Variants in ESCO2 observed in about 807,000 individuals in gnomAD.
The protein encoded by ESCO2 is establishment of sister chromatid cohesion N-acetyltransferase 2, also known as N-acetyltransferase ESCO2.
In ESCO2, 51 loss-of-function variants were observed where a neutral mutation model predicts 61.7. The observed-to-expected ratio is 0.83, with a 90% CI of 0.66 to 1.04. The LOEUF (loss-of-function observed/expected upper bound fraction) is 1.04. Among genes scored for constraint, ESCO2 ranks in the 50% least tolerant of loss-of-function variants. The pLI is 0.00. For missense variants in ESCO2, 692 were observed against 686.2 expected (o/e 1.01, Z -0.09); for synonymous variants, 230 against 238.2 (o/e 0.97, Z 0.32).
chr8:27,811,646 T>A (rs965785815), downstream of ESCO2, among the ~76,000 whole-genome samples: 1 of 152,190 alleles, frequency 6.6e-6, no homozygotes, highest in Non-Finnish European at 1.5e-5. Flanking sequence ...CACATTTCCA[T>A]TTAAACTTGA....
Position 27,776,376 on chromosome 8 carries a change from C to T in ESCO2, c.68C>T (p.Thr23Ile), listed in dbSNP as rs1386417263. Residue 23 changes from threonine (T) to isoleucine (I), a missense_variant, in exon 3 of 11, where the codon ACT becomes ATT. Physicochemically the swap from Thr to Ile is moderately conservative, Grantham distance 89 (BLOSUM62 -1). Coordinates refer to ENST00000305188, the MANE Select transcript of ESCO2 (RefSeq NM_001017420.3). ...TCTTTTTATAGCCTTTTACACTTCA[C>T]TGAAAATCTGTTTCCATCACCTAAT... ...SLKCDSLLHF[T>I]ENLFPSPNKK... is the part of the protein sequence containing the mutation. 6.2e-7 allele frequency: 1 copy of T among 1,605,376 alleles called. No individual in the cohort carries two copies. The highest frequency in any genetic ancestry group is 1.1e-5 in the South Asian group (1 of 89,078).
At chr8:27,816,163 T>G (rs975030705), downstream of ESCO2, among the ~76,000 whole-genome samples, 1 of 152,128 alleles carries the variant, frequency 6.6e-6, no homozygotes, top group African/African-American at 2.4e-5. Context: ...GTATCATAAC[T>G]GTCATCTTGT....
intron 10 of ESCO2, 33 bp downstream of exon 10, chr8:27,799,749 T>C: frequency 6.2e-7 from 1 of 1,612,074 alleles, no homozygotes; most frequent in Non-Finnish European, 8.5e-7. Context: ...ATCCAGAACC[T>C]TAGATTCATA....
At chr8:27,809,212 G>A (rs1225004509), downstream of ESCO2, among the ~76,000 whole-genome samples, 2 of 152,004 alleles carry the variant, frequency 1.3e-5, no homozygotes, top group South Asian at 2.1e-4. Context: ...TTATACATAC[G>A]TTTTTCTACA....
At chr8:27,777,370 C>T in intron 3 of ESCO2, 1 of 438,090 alleles carries the variant, frequency 2.3e-6, no homozygotes, top group Non-Finnish European at 3.9e-6. Flanking sequence ...CAGTGGCACA[C>T]TGCTCACTAC....
At chr8:27,802,298 A>G (rs952693887) in intron 10 of ESCO2, among the ~76,000 whole-genome samples, 13 of 151,890 alleles carry the variant, frequency 8.6e-5, no homozygotes, top group Non-Finnish European at 1.6e-4. Context: ...GGATGTTTAC[A>G]TTGAAAAAAT....
At chr8:27,777,332 GTCTT>G (rs1375656095) in intron 3 of ESCO2, 163 bp downstream of exon 3, 24 of 667,326 alleles carry the variant, frequency 3.6e-5, no homozygotes, top group South Asian at 3.4e-4. Flanking sequence ...TTAAGACAGG[GTCTT>G]TCTTTATGAC....
Position 27,803,724 on chromosome 8 carries a change from A to G in ESCO2, c.*286A>G. 1 of 1,177,876 alleles carries G rather than the reference A, an allele frequency of 8.5e-7. No individual in the cohort carries two copies. The highest frequency in any genetic ancestry group is 1.1e-6 in the Non-Finnish European group (1 of 951,068). The allele number at this position is 1,177,876 out of a possible 1,614,324, so 73.0% of individuals were successfully genotyped here. A position where few individuals can be genotyped will look rare whatever the true frequency, so the allele number is the denominator to read the frequency against. ...TGAAACTTTGTAGCTATAACTGGAA[A>G]ATTACCTGACTCTTTGTAAGAGTAT... On this transcript the variant is annotated 3_prime_UTR_variant, in exon 11 of 11. Coordinates refer to ENST00000305188, the MANE Select transcript of ESCO2 (RefSeq NM_001017420.3).
At chr8:27,773,785 A>G (rs1489787941), upstream of ESCO2, 2 of 152,248 alleles carry the variant, frequency 1.3e-5, no homozygotes, top group Admixed American at 1.3e-4. Context: ...ATTTGAAACT[A>G]AAAATGTGCC....
At chr8:27,792,152 G>C in intron 8 of ESCO2, 100 bp downstream of exon 8, 2 of 1,075,576 alleles carry the variant, frequency 1.9e-6, no homozygotes, top group Non-Finnish European at 2.8e-6. Context: ...AATTCACTTG[G>C]GTACCTGCTT....
intron 3 of ESCO2, 96 bp downstream of exon 3, chr8:27,777,265 A>G (rs946638966): frequency 1.7e-5 from 18 of 1,065,776 alleles, no homozygotes; most frequent in East Asian, 5.2e-5. Flanking sequence ...GACTGCTTTT[A>G]TAAAGCCAGA....
At chr8:27,811,540 T>C (rs1016881424), downstream of ESCO2, among the ~76,000 whole-genome samples, 30 of 152,144 alleles carry the variant, frequency 2.0e-4, no homozygotes, top group African/African-American at 6.5e-4. Context: ...AGAAGTACCA[T>C]TTCTATGCTT....
chr8:27,772,659 G>T, upstream of ESCO2: 1 of 959,608 alleles, frequency 1.0e-6, no homozygotes, highest in Non-Finnish European at 1.6e-6. Flanking sequence ...CACTTCCGGC[G>T]GACGTCGGGG....
At chr8:27,787,532 G>T (rs1196680924) in intron 5 of ESCO2, among the ~76,000 whole-genome samples, 1 of 152,084 alleles carries the variant, frequency 6.6e-6, no homozygotes, top group Non-Finnish European at 1.5e-5. Flanking sequence ...GGTAAATATT[G>T]TCCTAAGATT....
Position 27,804,036 on chromosome 8 carries a change from G to A in ESCO2, c.*598G>A. On this transcript the variant is annotated 3_prime_UTR_variant, in exon 11 of 11. Transcript: ENST00000305188. ...AGCCACCGTGCCCAGCCTAATTCCT[G>A]ACTTCTCTATACAGAGTCTTCACTT... 1 of 986,162 alleles carries A rather than the reference G, an allele frequency of 1.0e-6. No individual in the cohort carries two copies. The highest frequency in any genetic ancestry group is 1.2e-6 in the Non-Finnish European group (1 of 830,758). 61.1% of individuals were successfully genotyped at this position (986,162 alleles called of 1,614,324 possible).
At chr8:27,814,319 C>T (rs1305620480), downstream of ESCO2, among the ~76,000 whole-genome samples, 1 of 152,058 alleles carries the variant, frequency 6.6e-6, no homozygotes, top group African/African-American at 2.4e-5. Context: ...AATTCATTGC[C>T]ATAAAGCCGT....
intron 4 of ESCO2, among the ~76,000 whole-genome samples, chr8:27,781,831 C>T (rs1804935403): frequency 6.6e-6 from 1 of 152,122 alleles, no homozygotes; most frequent in African/African-American, 2.4e-5. Flanking sequence ...GGATTACAGG[C>T]ATAAGCCCTT....
Position 27,776,363 on chromosome 8 carries a change from CT to C in ESCO2, c.59del (p.Leu20TyrfsTer38). On this transcript the variant is annotated frameshift_variant and splice_region_variant, in exon 3 of 11. Coordinates refer to ENST00000305188, the MANE Select transcript of ESCO2 (RefSeq NM_001017420.3). LOFTEE classifies it high-confidence loss of function. ...AATGGACTTTGTTTCTTTTTATAGC[CT>C]TTTACACTTCACTGAAAATCTGTTT... ...RKQDSLKCDS[L>X]LHFTENLFPS... 1 of 1,602,034 alleles carries C rather than the reference CT, an allele frequency of 6.2e-7. No individual in the cohort carries two copies. The highest frequency in any genetic ancestry group is 8.5e-7 in the Non-Finnish European group (1 of 1,173,312).
At chr8:27,807,712 A>AT (rs1439304130), downstream of ESCO2, among the ~76,000 whole-genome samples, 1 of 151,906 alleles carries the variant, frequency 6.6e-6, no homozygotes, top group Non-Finnish European at 1.5e-5. Context: ...GTAAGTTTTA[A>AT]TTTTTTCCCC....
Sources: allele counts gnomAD v4.1 joint callset (sites outside exome capture counted in the v4.1 genomes callset), GRCh38; gene constraint gnomAD v4.1.1; transcripts MANE v1.5; gene names NCBI Gene and HGNC (gene_info 2026-07-23, HGNC 2026-07-21).